Variants in INVS observed in about 807,000 individuals in gnomAD.
The protein encoded by INVS is inversin.
INVS carries 86 observed loss-of-function variants against 108.8 expected under a neutral mutation model. That is an observed-to-expected ratio of 0.79 (90% confidence interval 0.66 to 0.95). INVS has a LOEUF of 0.95. Among genes scored for constraint, INVS ranks in the 40% least tolerant of loss-of-function variants. INVS has a pLI of 0.00. For synonymous variants in INVS, 455 were observed against 473.5 expected (o/e 0.96, Z 0.51); for missense variants, 1,169 against 1,297.4 (o/e 0.90, Z 1.52).
At position 100,284,468 on chromosome 9, in the gene INVS, C is replaced by T. The variant is rs1362558669; in HGVS notation, c.1933C>T (p.Pro645Ser). Reference protein sequence around the residue: ...RQSRAPSKQPPAGNVAQGPEP... With the variant: ...RQSRAPSKQPSAGNVAQGPEP... ...GAGCCGGGCCCCCAGCAAGCAGCCT[C>T]CTGCTGGCAACGTGGCCCAAGGCCC... Residue 645 changes from proline to serine, a missense_variant, in exon 13 of 17, where the codon CCT becomes TCT. This residue lies in a region of INVS where 533 missense variants were observed against 536.0 expected (regional missense o/e 0.99). Transcript: ENST00000262457. 3 of 1,614,184 alleles carry T rather than the reference C, an allele frequency of 1.9e-6. No homozygotes were observed. Among genetic ancestry groups the T allele is most frequent in the Non-Finnish European group, 1.7e-6 (2 of 1,180,026 alleles).
rs566124460 is a variant in INVS at position 100,124,559 on chromosome 9, A to AAC, written c.107-1823_107-1822insCA. On this transcript the variant is annotated intron_variant, in intron 2 of 16. Transcript: ENST00000262457. Reference sequence around the variant, plus strand: ...TGAGACCCTCATTAAAAAAAAAAAAAAAACTAAAGAGGTTAAAAACAGTCT... The same window carrying AAC: ...TGAGACCCTCATTAAAAAAAAAAAAAACAAACTAAAGAGGTTAAAAACAGTCT... 2.4e-3 allele frequency among the ~76,000 whole-genome samples: 358 copies of AAC among 151,734 alleles called. 1 individual carries two copies. The highest frequency in any genetic ancestry group is 8.3e-3 in the African/African-American group (341 of 41,304).
At chr9:100,114,434 C>T (rs1338641224) in intron 2 of INVS, among the ~76,000 whole-genome samples, 21 of 99,348 alleles carry the variant, frequency 2.1e-4, no homozygotes, top group African/African-American at 8.4e-4. Flanking sequence ...CAGAGTCTCA[C>T]TTTGTCTCCC....
intron 12 of INVS, among the ~76,000 whole-genome samples, chr9:100,278,710 A>G (rs1947277750): frequency 6.6e-6 from 1 of 152,190 alleles, no homozygotes; most frequent in Non-Finnish European, 1.5e-5. Flanking sequence ...ATACTCTCTT[A>G]GGTTTCTTTC....
intron 3 of INVS, among the ~76,000 whole-genome samples, chr9:100,141,781 G>A (rs372328872): frequency 2.5e-4 from 38 of 152,330 alleles, no homozygotes; most frequent in African/African-American, 8.4e-4. Context: ...TTTCTTTGAG[G>A]ATAGATTTCC....
At chr9:100,290,343 T>C (rs542654900) in intron 13 of INVS, among the ~76,000 whole-genome samples, 133 of 152,362 alleles carry the variant, frequency 8.7e-4, no homozygotes, top group African/African-American at 3.2e-3. Context: ...GTATATTTTC[T>C]TATATCCCTT....
intron 3 of INVS, among the ~76,000 whole-genome samples, chr9:100,203,750 G>T (rs995767414): frequency 1.3e-5 from 2 of 151,934 alleles, no homozygotes; most frequent in Admixed American, 6.6e-5. Context: ...TGATCCGCCC[G>T]CCTCAGCCTC....
Position 100,240,258 on chromosome 9 carries a change from T to C in INVS, c.796+18T>C. 1 of 1,602,752 alleles carries C rather than the reference T, an allele frequency of 6.2e-7. No individual in the cohort carries two copies. Among genetic ancestry groups the C allele is most frequent in the East Asian group, 2.2e-5 (1 of 44,834 alleles). On this transcript the variant is annotated intron_variant, in intron 6 of 16. Coordinates refer to ENST00000262457, the MANE Select transcript of INVS (RefSeq NM_014425.5). ...TTTATTAGGTACGTGACTCAAAGGA[T>C]CAACAGTAAAAGGAACTTCATGAGT...
intron 4 of INVS, 60 bp from the exon 5 acceptor site, chr9:100,229,600 A>G: frequency 6.7e-7 from 1 of 1,483,400 alleles, no homozygotes; most frequent in South Asian, 1.1e-5. Context: ...GTCCCACAAT[A>G]AAAGATTGGG....
chr9:100,190,965 A>G (rs915704110), intron 3 of INVS, among the ~76,000 whole-genome samples: 1 of 151,924 alleles, frequency 6.6e-6, no homozygotes, highest in African/African-American at 2.4e-5. Context: ...GGCTCAAGCA[A>G]TCCTCCCACC....
chr9:100,250,670 A>T (rs571571153), intron 8 of INVS, among the ~76,000 whole-genome samples: 254 of 152,304 alleles, frequency 1.7e-3, no homozygotes, highest in African/African-American at 5.9e-3. Flanking sequence ...TCTCCATTGC[A>T]ACCACCCTAA....
intron 2 of INVS, among the ~76,000 whole-genome samples, chr9:100,122,062 A>C (rs1447853972): frequency 3.9e-5 from 6 of 152,138 alleles, no homozygotes; most frequent in Non-Finnish European, 7.4e-5. Context: ...ACTTCTTTAA[A>C]TCTGTTAGTA....
intron 5 of INVS, among the ~76,000 whole-genome samples, chr9:100,231,858 G>T (rs1197736240): frequency 6.6e-6 from 1 of 152,084 alleles, no homozygotes; most frequent in Non-Finnish European, 1.5e-5. Flanking sequence ...TAATCCTCTG[G>T]ATATATACCC....
At chr9:100,243,340 C>T (rs1831939349) in intron 7 of INVS, among the ~76,000 whole-genome samples, 1 of 152,046 alleles carries the variant, frequency 6.6e-6, no homozygotes, top group Non-Finnish European at 1.5e-5. Flanking sequence ...ACCTTTTCTT[C>T]CAGGATTGTT....
chr9:100,152,549 AATCT>A (rs1297493445), intron 3 of INVS, among the ~76,000 whole-genome samples: 1 of 152,174 alleles, frequency 6.6e-6, no homozygotes, highest in Non-Finnish European at 1.5e-5. Context: ...AATTTTGTAT[AATCT>A]ATCAGAATCC....
chr9:100,105,066 G>A (rs555216808), intron 2 of INVS, among the ~76,000 whole-genome samples: 15 of 152,274 alleles, frequency 9.9e-5, no homozygotes, highest in African/African-American at 3.6e-4. Flanking sequence ...GTCCAATGCA[G>A]GAGTTCTAGA....
chr9:100,111,754 G>A (rs1468685897), intron 2 of INVS, among the ~76,000 whole-genome samples: 1 of 150,648 alleles, frequency 6.6e-6, no homozygotes, highest in African/African-American at 2.4e-5. Context: ...GTGTAGATTG[G>A]ACAAGTATTA....
intron 3 of INVS, chr9:100,175,741 G>T (rs1564144822): frequency 1.6e-6 from 1 of 626,242 alleles, no homozygotes. Context: ...AACCAGACCT[G>T]TAGCAGTTCG....
At chr9:100,299,635 G>GACACACACACACACAC (rs10530240) in intron 16 of INVS, among the ~76,000 whole-genome samples, 5 of 132,260 alleles carry the variant, frequency 3.8e-5, no homozygotes, top group Admixed American at 3.0e-4. Context: ...GCCTTTTATT[G>GACACACACACACACAC]ACACACACAC....
chr9:100,109,932 G>A (rs1379058016), intron 2 of INVS, among the ~76,000 whole-genome samples: 2 of 152,244 alleles, frequency 1.3e-5, no homozygotes, highest in Non-Finnish European at 1.5e-5. Context: ...CTCCCGAAGT[G>A]CTGGGATTAC....
Sources: allele counts gnomAD v4.1 joint callset (sites outside exome capture counted in the v4.1 genomes callset), GRCh38; gene constraint gnomAD v4.1.1; regional missense constraint gnomAD v4.1.1; transcripts MANE v1.5; gene names NCBI Gene and HGNC (gene_info 2026-07-23, HGNC 2026-07-21).